The following TDRD12 variants were observed in gnomAD, a reference collection of about 807,000 sequenced individuals.
TDRD12 encodes the protein putative ATP-dependent RNA helicase TDRD12.
TDRD12 carries 158 observed loss-of-function variants against 133.5 expected under a neutral mutation model. That is an observed-to-expected ratio of 1.18 (90% confidence interval 1.04 to 1.35). The LOEUF is 1.35. Ranked by LOEUF, TDRD12 falls within the 40% of genes most tolerant of loss-of-function variation. The pLI, the probability that TDRD12 is intolerant of heterozygous loss-of-function variation, is 0.00. For missense variants in TDRD12, 1,443 were observed against 1,321.3 expected, an observed-to-expected ratio of 1.09 and a Z score of -1.43; for synonymous variants, 460 against 477.9, an observed-to-expected ratio of 0.96 and a Z score of 0.49.
Position 32,813,684 on chromosome 19 carries a change from G to C in TDRD12, c.3049G>C (p.Val1017Leu), listed in dbSNP as rs1401348640. 5.3e-6 allele frequency: 8 copies of C among 1,516,370 alleles called. No homozygotes were observed. The East Asian group carries it at 2.0e-4, about 37-fold the overall frequency. 93.9% of individuals were successfully genotyped at this position (1,516,370 alleles called of 1,614,324 possible). Residue 1017 changes from valine (V) to leucine (L), a missense_variant and splice_region_variant, in exon 25 of 28, where the codon GTT (valine) becomes CTT (leucine). Physicochemically the swap from Val to Leu is conservative, Grantham distance 32. Coordinates refer to ENST00000444215, the Ensembl canonical transcript of TDRD12. ...AAATAATGTTAAGTGCTTTTTTCAG[G>C]TTACTAGGTACATTCATCATAAAAT... is the stretch of plus-strand genomic sequence containing the variant.
chr19:32,781,682 TC>T (rs1402157649), intron 11 of TDRD12, among the ~76,000 whole-genome samples: 2 of 149,066 alleles, frequency 1.3e-5, no homozygotes, highest in African/African-American at 4.9e-5. Flanking sequence ...ATGACTCCTT[TC>T]CTTTTCTCTC....
rs529101068 is a variant in TDRD12, at chr19:32,731,692, C to T, written c.25-33C>T. 49 of 1,508,226 alleles carry T rather than the reference C, an allele frequency of 3.2e-5. 1 individual carries two copies. Among genetic ancestry groups the T allele is most frequent in the African/African-American group, 2.2e-4 (16 of 71,156 alleles). The allele number at this position is 1,508,226 out of a possible 1,614,324, so 93.4% of individuals were successfully genotyped here. ...TTTGTGGTACTACTTTTAAATCATA[C>T]GCTGTTCTGTTTGTCTTTTAAAAAA... is the stretch of plus-strand genomic sequence containing the variant. On this transcript the variant is annotated intron_variant, in intron 1 of 27. Transcript: ENST00000444215.
chr19:32,790,645 C>G (rs1404475301), intron 12 of TDRD12, 54 bp downstream of exon 12: 1 of 1,551,548 alleles, frequency 6.4e-7, no homozygotes. Context: ...ACTGTTTATT[C>G]TTTAAATCCT....
chr19:32,773,677 G>A (rs1358395419), intron 10 of TDRD12, 145 bp downstream of exon 10: 1 of 599,624 alleles, frequency 1.7e-6, no homozygotes. Context: ...CAGCCTGGGT[G>A]ACAGAGTGAG....
chr19:32,803,991 G>A (rs1033792087), intron 21 of TDRD12, among the ~76,000 whole-genome samples: 4 of 152,030 alleles, frequency 2.6e-5, no homozygotes, highest in Non-Finnish European at 5.9e-5. Flanking sequence ...TGTGCACTGA[G>A]AATGTCTCCT....
intron 16 of TDRD12, among the ~76,000 whole-genome samples, chr19:32,799,198 G>A (rs752345085): frequency 2.6e-5 from 4 of 151,566 alleles, no homozygotes; most frequent in African/African-American, 7.3e-5. Flanking sequence ...GATGGCCCCA[G>A]TTTTGAGTCC....
chr19:32,787,725 T>C (rs555387965), intron 11 of TDRD12, among the ~76,000 whole-genome samples: 1 of 152,330 alleles, frequency 6.6e-6, no homozygotes, highest in African/African-American at 2.4e-5. Context: ...AGCAAGGATC[T>C]GTGGGCGTGG....
At chr19:32,726,354 C>T (rs763961680) in intron 1 of TDRD12, among the ~76,000 whole-genome samples, 1 of 152,326 alleles carries the variant, frequency 6.6e-6, no homozygotes, top group South Asian at 2.1e-4. Flanking sequence ...GCTGGGATTA[C>T]AGGCGTGAAC....
intron 11 of TDRD12, among the ~76,000 whole-genome samples, chr19:32,779,641 C>T (rs1323046451): frequency 6.6e-6 from 1 of 152,116 alleles, no homozygotes; most frequent in Non-Finnish European, 1.5e-5. Flanking sequence ...CTGGAGGTGG[C>T]AAGGCAGCCT....
chr19:32,769,950 T>TA (rs1970400819), intron 8 of TDRD12, among the ~76,000 whole-genome samples: 1 of 151,800 alleles, frequency 6.6e-6, no homozygotes, highest in Non-Finnish European at 1.5e-5. Flanking sequence ...TGTGATTTAA[T>TA]ATATATTTGG....
rs1968582890 is a variant in TDRD12, at chr19:32,720,179, C to T, written c.24+83C>T. The stretch of plus-strand genomic sequence containing the variant: ...AGCCGCGCACAGCCTCCCACCCCCA[C>T]CCCAGCTCCGCACAGCTTCCTACAC... On this transcript the variant is annotated intron_variant, in intron 1 of 27. Transcript: ENST00000444215. 3.4e-6 allele frequency: 5 copies of T among 1,469,942 alleles called. No individual in the cohort carries two copies. The South Asian group carries it at 3.7e-5, about 11-fold the overall frequency. The allele number at this position is 1,469,942 out of a possible 1,614,324, so 91.1% of individuals were successfully genotyped here.
chr19:32,811,201 G>A lies in TDRD12; in HGVS notation c.2838-9G>A. On this transcript the variant is annotated splice_polypyrimidine_tract_variant and intron_variant, in intron 23 of 27. Coordinates refer to ENST00000444215, the Ensembl canonical transcript of TDRD12. Reference sequence around the variant, plus strand: ...CTCTGCGTTGAACCGATGCCCCATTGCTCTCCAGGGTTCAGGTGTTGGAAG... The same window carrying A: ...CTCTGCGTTGAACCGATGCCCCATTACTCTCCAGGGTTCAGGTGTTGGAAG... 6.5e-7 allele frequency: 1 copy of A among 1,533,564 alleles called. No homozygotes were observed. Among genetic ancestry groups the A allele is most frequent in the Non-Finnish European group, 8.7e-7 (1 of 1,144,854 alleles). The allele number at this position is 1,533,564 out of a possible 1,614,324, so 95.0% of individuals were successfully genotyped here.
chr19:32,755,732 C>T (rs1346918835), intron 6 of TDRD12, among the ~76,000 whole-genome samples: 1 of 152,176 alleles, frequency 6.6e-6, no homozygotes, highest in Non-Finnish European at 1.5e-5. Flanking sequence ...TTTGCCTGGC[C>T]AGGTAGTTTT....
intron 10 of TDRD12, among the ~76,000 whole-genome samples, chr19:32,775,097 C>T (rs1482777817): frequency 1.3e-5 from 2 of 152,026 alleles, no homozygotes; most frequent in Admixed American, 6.5e-5. Flanking sequence ...GTCATTATGT[C>T]TACAAATATT....
At chr19:32,824,682 G>GTT (rs1277009525), downstream of TDRD12, among the ~76,000 whole-genome samples, 2 of 152,130 alleles carry the variant, frequency 1.3e-5, no homozygotes, top group East Asian at 3.8e-4. Context: ...ACTTTATCTT[G>GTT]TGTAAAGCTA....
Position 32,742,765 on chromosome 19 carries a change from C to G in TDRD12, c.321-16C>G. 1 of 1,549,298 alleles carries G rather than the reference C, an allele frequency of 6.5e-7. No individual in the cohort carries two copies. The highest frequency in any genetic ancestry group is 8.7e-7 in the Non-Finnish European group (1 of 1,146,304). ...AATTTTCTATATAATGGAGCTGTTTCTGTTTTACTTTTTAGCATCCGAGTT... is the reference window on the plus strand; with the variant it reads ...AATTTTCTATATAATGGAGCTGTTTGTGTTTTACTTTTTAGCATCCGAGTT... On this transcript the variant is annotated splice_polypyrimidine_tract_variant and intron_variant, in intron 3 of 27. Transcript: ENST00000444215.
downstream of TDRD12, chr19:32,826,172 T>G: frequency 6.5e-7 from 1 of 1,535,102 alleles, no homozygotes; most frequent in Non-Finnish European, 8.7e-7. Context: ...GTACGTCCAC[T>G]CGGCATGGAG....
At chr19:32,779,590 T>G (rs1190911980) in intron 11 of TDRD12, among the ~76,000 whole-genome samples, 3 of 151,938 alleles carry the variant, frequency 2.0e-5, no homozygotes, top group Admixed American at 1.3e-4. Flanking sequence ...CTCTTAATTT[T>G]TGGGTGTTCA....
intron 8 of TDRD12, 38 bp downstream of exon 8, chr19:32,757,168 T>G: frequency 6.9e-7 from 1 of 1,459,636 alleles, no homozygotes. Context: ...ATAGGCAGCA[T>G]GAAAAAAATA....
Sources: allele counts gnomAD v4.1 joint callset (sites outside exome capture counted in the v4.1 genomes callset), GRCh38; gene constraint gnomAD v4.1.1; transcripts MANE v1.5; gene names NCBI Gene and HGNC (gene_info 2026-07-23, HGNC 2026-07-21).